The following FRMD4A variants were observed in gnomAD, a reference collection of about 807,000 sequenced individuals.
FRMD4A encodes FERM domain-containing protein 4A.
A neutral mutation model predicts 129.1 loss-of-function variants in FRMD4A; 29 were observed. The ratio of observed to expected loss-of-function variants is 0.22; its 90% CI spans 0.17 to 0.31. The LOEUF is 0.31. FRMD4A is among the 10% of genes least tolerant of loss of function. FRMD4A has a pLI of 1.00. For synonymous variants in FRMD4A, 634 were observed against 571.6 expected (o/e 1.11, Z -1.56); for missense variants, 1,272 against 1,375.8 (o/e 0.92, Z 1.19).
intron 8 of FRMD4A, among the ~76,000 whole-genome samples, chr10:13,761,379 G>A (rs562326614): frequency 1.3e-4 from 20 of 152,316 alleles, no homozygotes; most frequent in African/African-American, 4.6e-4. Context: ...CCAACCTCAG[G>A]ACAATGGGCA....
At chr10:13,888,116 G>C (rs1480197204) in intron 2 of FRMD4A, among the ~76,000 whole-genome samples, 1 of 152,108 alleles carries the variant, frequency 6.6e-6, no homozygotes, top group Non-Finnish European at 1.5e-5. Flanking sequence ...AAATTTTCTG[G>C]GAAAAACAAC....
chr10:14,139,642 G>A (rs1343785731), intron 2 of FRMD4A, among the ~76,000 whole-genome samples: 2 of 151,666 alleles, frequency 1.3e-5, no homozygotes, highest in African/African-American at 2.4e-5. Context: ...TAGAGATGGG[G>A]TCTTGCCATG....
intron 2 of FRMD4A, among the ~76,000 whole-genome samples, chr10:14,132,587 G>C (rs1839318513): frequency 6.6e-6 from 1 of 152,220 alleles, no homozygotes; most frequent in Admixed American, 6.5e-5. Flanking sequence ...AGGGGAGGAG[G>C]AGGAGAGCAG....
At chr10:13,716,641 C>A (rs2088837626) in intron 12 of FRMD4A, among the ~76,000 whole-genome samples, 1 of 152,210 alleles carries the variant, frequency 6.6e-6, no homozygotes, top group East Asian at 1.9e-4. Flanking sequence ...ACCCAGAGCA[C>A]CGGGCCTTGA....
chr10:14,212,180 C>A (rs1020051993), intron 2 of FRMD4A, among the ~76,000 whole-genome samples: 2 of 152,070 alleles, frequency 1.3e-5, no homozygotes, highest in Non-Finnish European at 2.9e-5. Context: ...CCTATGGGAT[C>A]CCCACTAACA....
intron 3 of FRMD4A, among the ~76,000 whole-genome samples, chr10:13,846,493 CAAAG>C (rs1338740566): frequency 3.9e-5 from 6 of 152,154 alleles, no homozygotes; most frequent in Non-Finnish European, 8.8e-5. Flanking sequence ...TGATATTGGA[CAAAG>C]AATTTTGCAG....
At position 13,927,607 on chromosome 10, in the gene FRMD4A, G is replaced by A. The variant is rs17154219; in HGVS notation, c.46-68695C>T. The stretch of plus-strand genomic sequence containing the variant: ...AAAAATACCCTTTGCATGAGGAAAC[G>A]ATCAGAACGAGAGTCTAGTTATTTC... On this transcript the variant is annotated intron_variant, in intron 2 of 24. Transcript: ENST00000357447. Among the ~76,000 whole-genome samples, 2,234 of 152,306 alleles carry A rather than the reference G, an allele frequency of 0.015. 99 individuals carry two copies. In the East Asian group the frequency reaches 0.18, roughly 12 times the overall value.
chr10:14,132,910 A>C (rs1384944436), intron 2 of FRMD4A, among the ~76,000 whole-genome samples: 2 of 152,218 alleles, frequency 1.3e-5, no homozygotes, highest in African/African-American at 4.8e-5. Context: ...CAGATTCAGC[A>C]ACAATATTTC....
chr10:13,658,675 G>A (rs547454910), intron 21 of FRMD4A, among the ~76,000 whole-genome samples: 7 of 152,318 alleles, frequency 4.6e-5, no homozygotes, highest in African/African-American at 1.7e-4. Context: ...GAGGTCAGGA[G>A]TTCCAGACCA....
At chr10:14,195,833 G>C (rs939766838) in intron 2 of FRMD4A, among the ~76,000 whole-genome samples, 3 of 152,222 alleles carry the variant, frequency 2.0e-5, no homozygotes, top group Non-Finnish European at 4.4e-5. Context: ...AGGTTATAGA[G>C]AAGGTGCCTG....
chr10:14,202,192 A>C (rs1842657774), intron 2 of FRMD4A, among the ~76,000 whole-genome samples: 1 of 151,766 alleles, frequency 6.6e-6, no homozygotes, highest in Non-Finnish European at 1.5e-5. Flanking sequence ...AAACTAAGTC[A>C]GTGGTGTGCT....
intron 2 of FRMD4A, among the ~76,000 whole-genome samples, chr10:14,230,518 A>T (rs1334432291): frequency 2.0e-5 from 3 of 152,212 alleles, no homozygotes; most frequent in Admixed American, 6.5e-5. Context: ...ATTAGTTATC[A>T]TTATTGTCAT....
chr10:13,948,087 A>G (rs1206240035), intron 2 of FRMD4A, among the ~76,000 whole-genome samples: 1 of 152,028 alleles, frequency 6.6e-6, no homozygotes, highest in Non-Finnish European at 1.5e-5. Context: ...AGTGTGTTCC[A>G]GGATTTTCTT....
intron 2 of FRMD4A, among the ~76,000 whole-genome samples, chr10:14,300,576 CA>C (rs1846151878): frequency 6.6e-6 from 1 of 152,256 alleles, no homozygotes; most frequent in East Asian, 1.9e-4. Flanking sequence ...TAGTGGCAAC[CA>C]AGGCAGGGTT....
At chr10:14,153,686 C>T (rs1180566341) in intron 2 of FRMD4A, among the ~76,000 whole-genome samples, 1 of 152,186 alleles carries the variant, frequency 6.6e-6, no homozygotes. Context: ...GCCTGCTCCC[C>T]TCCCGTCTCC....
chr10:14,165,270 C>T (rs766575505), intron 2 of FRMD4A, among the ~76,000 whole-genome samples: 6 of 152,152 alleles, frequency 3.9e-5, no homozygotes, highest in Non-Finnish European at 7.3e-5. Context: ...AAATGCTCAG[C>T]GTCAGTGATC....
chr10:14,188,920 A>T (rs866257863), intron 2 of FRMD4A, among the ~76,000 whole-genome samples: 1 of 152,294 alleles, frequency 6.6e-6, no homozygotes, highest in African/African-American at 2.4e-5. Context: ...ACAAAACCAA[A>T]CAAAATCCCG....
chr10:13,862,482 GCAAT>G (rs2094308077), intron 2 of FRMD4A, among the ~76,000 whole-genome samples: 1 of 152,140 alleles, frequency 6.6e-6, no homozygotes, highest in Non-Finnish European at 1.5e-5. Context: ...TATCTGCTCA[GCAAT>G]TTAAGGAAGT....
At chr10:14,027,810 A>G (rs952036172) in intron 2 of FRMD4A, among the ~76,000 whole-genome samples, 1 of 152,256 alleles carries the variant, frequency 6.6e-6, no homozygotes, top group African/African-American at 2.4e-5. Context: ...AGTCACTTTA[A>G]TAGTTTCCAA....
Sources: gnomAD v4.1 joint callset for allele counts (sites outside exome capture counted in the v4.1 genomes callset) on GRCh38, gnomAD v4.1.1 for gene constraint, MANE v1.5 for transcripts, NCBI Gene and HGNC (gene_info 2026-07-23, HGNC 2026-07-21) for gene names.